The following SAXO2 variants were observed in gnomAD, a reference collection of about 807,000 sequenced individuals.
SAXO2 encodes stabilizer of axonemal microtubules 2.
Under a neutral mutation model 18.7 loss-of-function variants are expected in SAXO2, and 17 were observed. That is an observed-to-expected ratio of 0.91 (90% confidence interval 0.62 to 1.36). The LOEUF (loss-of-function observed/expected upper bound fraction) is 1.36, where lower values mean the gene tolerates loss of function less well. SAXO2 is among the 40% of genes most tolerant of loss of function. The pLI is 0.00. For missense variants in SAXO2, 486 were observed against 562.6 expected, an observed-to-expected ratio of 0.86 and a Z score of 1.38; for synonymous variants, 163 against 181.2, an observed-to-expected ratio of 0.90 and a Z score of 0.81.
chr15:82,273,015 C>T lies in SAXO2; in HGVS notation c.433+1213C>T, dbSNP rs187398837. 3.4e-3 allele frequency among the ~76,000 whole-genome samples: 518 copies of T among 151,800 alleles called. 6 individuals carry two copies. The highest frequency in any genetic ancestry group is 4.4e-3 in the Non-Finnish European group (296 of 67,952). On this transcript the variant is annotated intron_variant, in intron 3 of 3. Transcript: ENST00000682753. ...CTGTCTCCTGGGTTCAAGCAAGTCT[C>T]CTGTCTCAGCCTCCTGAGTAGCTGG...
chr15:82,271,388 A>G (rs938436815), intron 2 of SAXO2, among the ~76,000 whole-genome samples: 1 of 152,208 alleles, frequency 6.6e-6, no homozygotes, highest in African/African-American at 2.4e-5. Flanking sequence ...GATTTTTGAT[A>G]TATTTACTTT....
rs1344988779 is a variant in SAXO2, at chr15:82,282,277, G to A, written c.592G>A (p.Val198Ile). 2 of 1,614,108 alleles carry A rather than the reference G, an allele frequency of 1.2e-6. No individual in the cohort carries two copies. The highest frequency in any genetic ancestry group is 1.1e-5 in the South Asian group (1 of 91,070). The change falls in exon 4 of 4, where the codon GTC becomes ATC. Residue 198 changes from valine (V) to isoleucine (I), a missense_variant. By Grantham distance (29) the Val-to-Ile change is conservative. Coordinates refer to ENST00000682753, the MANE Select transcript of SAXO2 (RefSeq NM_001348699.2). ...PRQSFKPSSV[V>I]KRSTAPFNGI... ...GCAAAGCTTTAAACCCTCCTCTGTG[G>A]TCAAACGTTCTACAGCCCCTTTTAA...
intron 1 of SAXO2, chr15:82,264,630 GA>G (rs1470135668): frequency 1.4e-6 from 1 of 702,108 alleles, no homozygotes; most frequent in East Asian, 2.7e-5. Context: ...AAGAACTTAA[GA>G]AATCATTTTC....
chr15:82,274,701 C>CA (rs1167527496), intron 3 of SAXO2, among the ~76,000 whole-genome samples: 1,607 of 78,758 alleles, frequency 0.02, 33 homozygotes, highest in African/African-American at 0.056. Context: ...GACTCTGTCT[C>CA]AAAAAAAAAA....
At chr15:82,269,403 G>A (rs1248151001) in intron 2 of SAXO2, among the ~76,000 whole-genome samples, 1 of 152,150 alleles carries the variant, frequency 6.6e-6, no homozygotes, top group African/African-American at 2.4e-5. Context: ...GTAGCAGGAA[G>A]GAGCATGGAA....
chr15:82,264,318 C>T (rs894849926), intron 1 of SAXO2, among the ~76,000 whole-genome samples: 9 of 151,574 alleles, frequency 5.9e-5, no homozygotes, highest in Admixed American at 1.3e-4. Context: ...GCCTCGGCTT[C>T]CCAAAGTGCT....
chr15:82,284,066 C>G lies in SAXO2; in HGVS notation c.*1004C>G, dbSNP rs1045947674. The G allele has an allele frequency of 9.9e-5, 15 of 152,178 alleles. No individual in the cohort carries two copies. Among genetic ancestry groups the G allele is most frequent in the African/African-American group, 3.1e-4 (13 of 41,438 alleles). The allele number at this position is 152,178 out of a possible 1,614,324, so 9.4% of individuals were successfully genotyped here. On this transcript the variant is annotated 3_prime_UTR_variant, in exon 4 of 4. Transcript: ENST00000682753. Reference sequence around the variant, plus strand: ...AGTGTCTTTATTTGTAAAATGATGTCTGTTCTCAAAAAGAGTTTGTTTTGA... The same window carrying G: ...AGTGTCTTTATTTGTAAAATGATGTGTGTTCTCAAAAAGAGTTTGTTTTGA...
intron 3 of SAXO2, 61 bp downstream of exon 3, chr15:82,271,863 A>C: frequency 3.6e-6 from 5 of 1,379,040 alleles, no homozygotes; most frequent in Non-Finnish European, 5.1e-6. Context: ...CAGCTTTAAC[A>C]TCTAATATCA....
chr15:82,283,121 C>T lies in SAXO2; in HGVS notation c.*59C>T. The T allele has an allele frequency of 8.2e-7, 1 of 1,218,344 alleles. No homozygotes were observed. The highest frequency in any genetic ancestry group is 1.1e-6 in the Non-Finnish European group (1 of 934,170). 75.5% of individuals were successfully genotyped at this position (1,218,344 alleles called of 1,614,324 possible). A position where few individuals can be genotyped will look rare whatever the true frequency, so the allele number is the denominator to read the frequency against. On this transcript the variant is annotated 3_prime_UTR_variant, in exon 4 of 4. Transcript: ENST00000682753. ...AAGTTGTTGTTTTTCCAAGAGAAAA[C>T]TCAATTTTTATAGTTAAAAAATTTA... is the stretch of plus-strand genomic sequence containing the variant.
At position 82,262,906 on chromosome 15, in the gene SAXO2, G is replaced by T; in HGVS notation, c.27G>T (p.Trp9Cys). The T allele has an allele frequency of 1.9e-6, 3 of 1,604,442 alleles. No homozygotes were observed. The highest frequency in any genetic ancestry group is 2.6e-6 in the Non-Finnish European group (3 of 1,175,442). The change falls in exon 1 of 4, where the codon TGG (tryptophan) becomes TGT (cysteine). Residue 9 changes from tryptophan (W) to cysteine (C), a missense_variant. Transcript: ENST00000682753. ...TGGGAGCCAAGAGTATGAGGAGCTG[G>T]TGTCTGTGTCAGATTTGTAGCTGCG... MGAKSMRS[W>C]CLCQICSCGR... is the part of the protein sequence containing the mutation.
chr15:82,276,692 G>T (rs1390656188), intron 3 of SAXO2, among the ~76,000 whole-genome samples: 1 of 152,106 alleles, frequency 6.6e-6, no homozygotes, highest in Non-Finnish European at 1.5e-5. Flanking sequence ...GAAGGTGCAA[G>T]AAGGATCTAG....
Position 82,265,566 on chromosome 15 carries a change from C to G in SAXO2, c.54-3C>G, listed in dbSNP as rs2141359511. 9 of 1,306,954 alleles carry G rather than the reference C, an allele frequency of 6.9e-6. No individual in the cohort carries two copies. Among genetic ancestry groups the G allele is most frequent in the Non-Finnish European group, 8.7e-6 (9 of 1,029,628 alleles). 81.0% of individuals were successfully genotyped at this position (1,306,954 alleles called of 1,614,324 possible). A position where few individuals can be genotyped will look rare whatever the true frequency, so the allele number is the denominator to read the frequency against. On this transcript the variant is annotated splice_polypyrimidine_tract_variant and splice_region_variant and intron_variant, in intron 1 of 3. Coordinates refer to ENST00000682753, the MANE Select transcript of SAXO2 (RefSeq NM_001348699.2). ...TTAATCTTTCAGTTTATTTTTTGCA[C>G]AGGCGACATCATTGTCCACGTGGAA...
chr15:82,272,604 C>T (rs896701882), intron 3 of SAXO2, among the ~76,000 whole-genome samples: 5 of 152,084 alleles, frequency 3.3e-5, no homozygotes, highest in East Asian at 1.9e-4. Flanking sequence ...TGCAGTGGCA[C>T]GATCTTGGCC....
Position 82,282,383 on chromosome 15 carries a change from C to T in SAXO2, c.698C>T (p.Pro233Leu). The T allele has an allele frequency of 6.2e-7, 1 of 1,614,102 alleles. No homozygotes were observed. The highest frequency in any genetic ancestry group is 1.1e-5 in the South Asian group (1 of 91,076). ...KFERPKEVYK[P>L]TDQRFEDLTT... The stretch of plus-strand genomic sequence containing the variant: ...GAAAGGCCAAAAGAAGTTTACAAAC[C>T]AACTGACCAACGCTTTGAGGATCTC... Residue 233 changes from proline to leucine, a missense_variant, in exon 4 of 4, where the codon CCA becomes CTA. Transcript: ENST00000682753.
intron 2 of SAXO2, among the ~76,000 whole-genome samples, chr15:82,270,690 T>A (rs1395644808): frequency 6.6e-6 from 1 of 152,154 alleles, no homozygotes; most frequent in African/African-American, 2.4e-5. Flanking sequence ...CCTGAAGTCT[T>A]GGGGTAGTAA....
chr15:82,278,771 A>G (rs1365017749), intron 3 of SAXO2, among the ~76,000 whole-genome samples: 1 of 152,228 alleles, frequency 6.6e-6, no homozygotes, highest in African/African-American at 2.4e-5. Flanking sequence ...AAATCTCCAA[A>G]TATTTGGAAA....
chr15:82,263,233 G>A (rs1224378819), intron 1 of SAXO2: 36 of 1,473,228 alleles, frequency 2.4e-5, no homozygotes, highest in Non-Finnish European at 3.2e-5. Flanking sequence ...ACGCTGGTGA[G>A]TAGTGGGATG....
Position 82,281,985 on chromosome 15 carries a change from T to G in SAXO2, c.434-134T>G, listed in dbSNP as rs1468335813. On this transcript the variant is annotated intron_variant, in intron 3 of 3. Coordinates refer to ENST00000682753, the MANE Select transcript of SAXO2 (RefSeq NM_001348699.2). Reference sequence around the variant, plus strand: ...TCTGAAAGGAATCAGAGAAACTGTATTCTGATACTATTGTTTAGATTTCTA... The same window carrying G: ...TCTGAAAGGAATCAGAGAAACTGTAGTCTGATACTATTGTTTAGATTTCTA... 7 of 742,548 alleles carry G rather than the reference T, an allele frequency of 9.4e-6. No homozygotes were observed. In the South Asian group the frequency reaches 9.8e-5, roughly 10 times the overall value. The allele number at this position is 742,548 out of a possible 1,614,324, so 46.0% of individuals were successfully genotyped here.
At chr15:82,272,935 C>T (rs2141370459) in intron 3 of SAXO2, among the ~76,000 whole-genome samples, 2 of 147,650 alleles carry the variant, frequency 1.4e-5, no homozygotes, top group Middle Eastern at 4.0e-3. Flanking sequence ...AGATGGAGTC[C>T]CACTCTGTTG....
Sources: gnomAD v4.1 joint callset for allele counts (sites outside exome capture counted in the v4.1 genomes callset) on GRCh38, gnomAD v4.1.1 for gene constraint, MANE v1.5 for transcripts, NCBI Gene and HGNC (gene_info 2026-07-23, HGNC 2026-07-21) for gene names.